WASHC5: variants seen among roughly 807,000 people sequenced by gnomAD.
The protein encoded by WASHC5 is WASH complex subunit strumpellin.
Under a neutral mutation model 150.4 loss-of-function variants are expected in WASHC5, and 101 were observed. That is an observed-to-expected ratio of 0.67 (90% CI 0.57 to 0.79). WASHC5 has a LOEUF of 0.79. Among genes scored for constraint, WASHC5 ranks in the 30% least tolerant of loss-of-function variants. The pLI is 0.00. For synonymous variants in WASHC5, 467 were observed against 491.2 expected, an observed-to-expected ratio of 0.95 and a Z score of 0.65; for missense variants, 1,195 against 1,396.3, an observed-to-expected ratio of 0.86 and a Z score of 2.30.
At chr8:125,046,443 C>T (rs887066325) in intron 20 of WASHC5, among the ~76,000 whole-genome samples, 4 of 152,142 alleles carry the variant, frequency 2.6e-5, no homozygotes, top group African/African-American at 9.7e-5. Context: ...CCACATAACC[C>T]GTATGTAGAC....
At chr8:125,050,500 G>C in intron 18 of WASHC5, 64 bp downstream of exon 18, 1 of 1,107,908 alleles carries the variant, frequency 9.0e-7, no homozygotes, top group Non-Finnish European at 1.4e-6. Context: ...GTTAAAAATG[G>C]CATTCTAGTC....
intron 1 of WASHC5, among the ~76,000 whole-genome samples, chr8:125,085,618 T>C (rs1264887112): frequency 6.6e-6 from 1 of 152,188 alleles, no homozygotes; most frequent in Non-Finnish European, 1.5e-5. Flanking sequence ...AGCATGTCAC[T>C]ACCCAGGTTG....
At chr8:125,078,111 AGAAT>A (rs1239534812) in intron 6 of WASHC5, among the ~76,000 whole-genome samples, 28 of 152,370 alleles carry the variant, frequency 1.8e-4, no homozygotes, top group African/African-American at 6.5e-4. Context: ...TTTCTTCAGA[AGAAT>A]GAAGTCAAAT....
chr8:125,079,112 G>GTA (rs1375247588), intron 5 of WASHC5, among the ~76,000 whole-genome samples, 182 bp from the exon 6 acceptor site: 2 of 48,432 alleles, frequency 4.1e-5, no homozygotes, highest in Non-Finnish European at 8.4e-5. Context: ...ATGTGTGTGT[G>GTA]TGTGTATATA....
intron 17 of WASHC5, among the ~76,000 whole-genome samples, chr8:125,053,654 T>C (rs1445574504): frequency 6.6e-6 from 1 of 152,122 alleles, no homozygotes; most frequent in African/African-American, 2.4e-5. Flanking sequence ...AGAAAACACA[T>C]ACCAAAGTTC....
intron 28 of WASHC5, among the ~76,000 whole-genome samples, chr8:125,026,278 T>G (rs1308981423): frequency 6.6e-6 from 1 of 152,234 alleles, no homozygotes; most frequent in African/African-American, 2.4e-5. Context: ...CTGCTTTTTT[T>G]CTATTGGCTT....
intron 26 of WASHC5, 77 bp from the exon 27 acceptor site, chr8:125,032,471 G>A: frequency 3.3e-6 from 5 of 1,507,500 alleles, no homozygotes; most frequent in Admixed American, 1.7e-5. Flanking sequence ...CGCTGTGAAG[G>A]TCAAAATGTT....
At chr8:125,041,410 C>T (rs868428195) in intron 23 of WASHC5, among the ~76,000 whole-genome samples, 3 of 152,140 alleles carry the variant, frequency 2.0e-5, no homozygotes, top group Admixed American at 6.5e-5. Flanking sequence ...GAGGCCGAGG[C>T]AGGCTGATCG....
chr8:125,088,844 C>A (rs937861729), intron 1 of WASHC5, among the ~76,000 whole-genome samples: 1 of 152,164 alleles, frequency 6.6e-6, no homozygotes, highest in East Asian at 1.9e-4. Flanking sequence ...AGATAATGAT[C>A]CTAATAATGG....
At chr8:125,089,933 T>C (rs552051499) in intron 1 of WASHC5, among the ~76,000 whole-genome samples, 1 of 82,204 alleles carries the variant, frequency 1.2e-5, no homozygotes, top group South Asian at 6.0e-4. Flanking sequence ...ATAAACTTTA[T>C]ATTAAATTTT....
intron 9 of WASHC5, among the ~76,000 whole-genome samples, 170 bp downstream of exon 9, chr8:125,072,983 G>A (rs1482634727): frequency 1.3e-5 from 2 of 152,126 alleles, no homozygotes; most frequent in Non-Finnish European, 2.9e-5. Flanking sequence ...AGCTTTTCAG[G>A]TATGCTAGTG....
At chr8:125,062,460 AC>A (rs1363329820) in intron 11 of WASHC5, among the ~76,000 whole-genome samples, 1 of 152,206 alleles carries the variant, frequency 6.6e-6, no homozygotes, top group Non-Finnish European at 1.5e-5. Context: ...TAGGCAGCTA[AC>A]CGGGTCAGAT....
chr8:125,070,807 A>G (rs1458582495), intron 9 of WASHC5, among the ~76,000 whole-genome samples: 3 of 152,252 alleles, frequency 2.0e-5, no homozygotes, highest in Non-Finnish European at 4.4e-5. Context: ...ACTGGAAAGC[A>G]GCTCTCAGGA....
Position 125,063,578 on chromosome 8 carries a change from G to A in WASHC5, c.1352C>T (p.Thr451Ile), listed in dbSNP as rs745604572. 6.2e-7 allele frequency: 1 copy of A among 1,613,950 alleles called. No individual in the cohort carries two copies. Among genetic ancestry groups the A allele is most frequent in the East Asian group, 2.2e-5 (1 of 44,866 alleles). ...HYKKEGSERM[T>I]ELADVFSGVK... ...TCCTGAAAAGACATCAGCAAGCTCA[G>A]TCATCCGCTCCGAACCCTCTTTCTT... The change falls in exon 11 of 29, where the codon ACT becomes ATT. Residue 451 changes from threonine (T) to isoleucine (I), a missense_variant. By Grantham distance (89) the Thr-to-Ile change is moderately conservative. This residue lies in a region of WASHC5 where 997 missense variants were observed against 1,168.1 expected (regional missense o/e 0.85). Coordinates refer to ENST00000318410, the MANE Select transcript of WASHC5 (RefSeq NM_014846.4).
At chr8:125,032,126 G>C in intron 27 of WASHC5, 115 bp downstream of exon 27, 1 of 1,217,664 alleles carries the variant, frequency 8.2e-7, no homozygotes, top group Non-Finnish European at 1.2e-6. Flanking sequence ...TTACAGAGAA[G>C]GGTGAGCAAC....
At chr8:125,037,814 GTTC>G (rs1815761065) in intron 25 of WASHC5, among the ~76,000 whole-genome samples, 2 of 152,144 alleles carry the variant, frequency 1.3e-5, no homozygotes, top group African/African-American at 4.8e-5. Context: ...AGAGAGCAAA[GTTC>G]TTCTTGTCAT....
Position 125,074,980 on chromosome 8 carries a change from C to T in WASHC5, c.978+18G>A. On this transcript the variant is annotated intron_variant, in intron 8 of 28. Transcript: ENST00000318410. ...TAGGCCTGCAGTTATCAGAGAATGT[C>T]CCCAGATTAGAACCTACCTGTTCTC... is the stretch of plus-strand genomic sequence containing the variant. The T allele has an allele frequency of 2.1e-6, 3 of 1,423,382 alleles. No individual in the cohort carries two copies. Among genetic ancestry groups the T allele is most frequent in the Non-Finnish European group, 3.0e-6 (3 of 1,006,146 alleles). 88.2% of individuals were successfully genotyped at this position (1,423,382 alleles called of 1,614,324 possible). A position where few individuals can be genotyped will look rare whatever the true frequency, so the allele number is the denominator to read the frequency against.
chr8:125,079,958 A>T (rs1019609654), intron 5 of WASHC5, among the ~76,000 whole-genome samples: 4 of 152,250 alleles, frequency 2.6e-5, no homozygotes, highest in African/African-American at 9.6e-5. Context: ...AAAATAATTT[A>T]AAAATATTAT....
intron 5 of WASHC5, among the ~76,000 whole-genome samples, chr8:125,081,404 A>G (rs1817258271): frequency 1.3e-5 from 2 of 151,906 alleles, no homozygotes; most frequent in South Asian, 4.1e-4. Flanking sequence ...TGCCTGGCTA[A>G]TTTTTGTAGT....
Sources: gnomAD v4.1 joint callset for allele counts (sites outside exome capture counted in the v4.1 genomes callset) on GRCh38, gnomAD v4.1.1 for gene constraint, gnomAD v4.1.1 regional missense constraint, MANE v1.5 for transcripts, NCBI Gene and HGNC (gene_info 2026-07-23, HGNC 2026-07-21) for gene names.